The following DCC variants were observed in gnomAD, a reference collection of about 807,000 sequenced individuals.
DCC encodes the protein netrin receptor DCC.
In DCC, 58 loss-of-function variants were observed where a neutral mutation model predicts 172.5. The ratio of observed to expected loss-of-function variants is 0.34; its 90% CI spans 0.27 to 0.42. The LOEUF (loss-of-function observed/expected upper bound fraction) is 0.42. Ranked by LOEUF, DCC falls within the 10% of genes least tolerant of loss-of-function variation. The pLI is 1.00. For synonymous variants in DCC, 709 were observed against 644.5 expected, an observed-to-expected ratio of 1.10 and a Z score of -1.52; for missense variants, 1,740 against 1,791.0, an observed-to-expected ratio of 0.97 and a Z score of 0.51.
intron 1 of DCC, among the ~76,000 whole-genome samples, chr18:52,678,557 G>A (rs1272769320): frequency 3.3e-5 from 5 of 152,020 alleles, no homozygotes; most frequent in South Asian, 2.1e-4. Context: ...CTTTCCGCTC[G>A]ACATGTAAGA....
intron 1 of DCC, among the ~76,000 whole-genome samples, chr18:52,504,012 A>T (rs527638349): frequency 1.3e-5 from 2 of 152,134 alleles, no homozygotes; most frequent in Non-Finnish European, 2.9e-5. Flanking sequence ...TCTCAACCTT[A>T]TAAACATAAA....
In DCC at chr18:52,655,128, A is replaced by AT. The variant is rs964632259; in HGVS notation, c.92-96917dup. ...ACAGTCATTCTGCCTTTATTTATGT[A>AT]TTTTTTTTTAAGAGAGAAGAGGGGA... is the stretch of plus-strand genomic sequence containing the variant. On this transcript the variant is annotated intron_variant, in intron 1 of 28. Transcript: ENST00000442544. Among the ~76,000 whole-genome samples the AT allele has an allele frequency of 4.1e-3, 619 of 151,334 alleles. 5 individuals are homozygous for AT. The highest frequency in any genetic ancestry group is 0.014 in the African/African-American group (572 of 41,288).
intron 2 of DCC, among the ~76,000 whole-genome samples, chr18:52,793,571 T>G (rs2037816277): frequency 6.6e-6 from 1 of 152,204 alleles, no homozygotes; most frequent in Non-Finnish European, 1.5e-5. Context: ...TTACAAATAT[T>G]TTCTCTCATT....
At chr18:52,948,970 T>G (rs906603912) in intron 5 of DCC, among the ~76,000 whole-genome samples, 2 of 152,204 alleles carry the variant, frequency 1.3e-5, no homozygotes, top group Admixed American at 1.3e-4. Context: ...GTAACCCTTA[T>G]GCAAAGCTGT....
At chr18:52,410,539 G>A (rs1013647229) in intron 1 of DCC, among the ~76,000 whole-genome samples, 2 of 152,132 alleles carry the variant, frequency 1.3e-5, no homozygotes, top group Non-Finnish European at 2.9e-5. Flanking sequence ...CACCATGTAG[G>A]GTGGTTGCTG....
intron 2 of DCC, among the ~76,000 whole-genome samples, chr18:52,868,873 G>A (rs974965253): frequency 6.6e-6 from 1 of 152,210 alleles, no homozygotes; most frequent in African/African-American, 2.4e-5. Flanking sequence ...GCTGCCATGG[G>A]GCAGGAAGCT....
In DCC at chr18:52,958,133, A is replaced by T. The variant is rs114189383; in HGVS notation, c.985+32763A>T. Among the ~76,000 whole-genome samples, 931 of 152,178 alleles carry T rather than the reference A, an allele frequency of 6.1e-3. 7 individuals are homozygous for T. The highest frequency in any genetic ancestry group is 0.022 in the African/African-American group (894 of 41,536). On this transcript the variant is annotated intron_variant, in intron 5 of 28. Coordinates refer to ENST00000442544, the MANE Select transcript of DCC (RefSeq NM_005215.4). ...GGAAGCTTTGTTTATTTCTTTGTCA[A>T]ATCAGCTTGTTCTTTTTTCATATTG...
In DCC at chr18:52,642,079, TAC is replaced by T. The variant is rs200347229; in HGVS notation, c.92-109958_92-109957del. ...GTGTGTGTGTATATATATATATATA[TAC>T]ACACACACACACACACTCACACACA... is the stretch of plus-strand genomic sequence containing the variant. On this transcript the variant is annotated intron_variant, in intron 1 of 28. Transcript: ENST00000442544. Among the ~76,000 whole-genome samples, 42 of 100,600 alleles carry T rather than the reference TAC, an allele frequency of 4.2e-4. 1 individual carries two copies. The highest frequency in any genetic ancestry group is 1.6e-3 in the African/African-American group (42 of 27,086). 66.0% of individuals were successfully genotyped at this position (100,600 alleles called of 152,430 possible). A position where few individuals can be genotyped will look rare whatever the true frequency, so the allele number is the denominator to read the frequency against.
At chr18:52,778,163 A>G (rs535748078) in intron 2 of DCC, among the ~76,000 whole-genome samples, 65 of 152,352 alleles carry the variant, frequency 4.3e-4, no homozygotes, top group Non-Finnish European at 6.8e-4. Flanking sequence ...GAAGAAATAC[A>G]CTATGTAGAG....
intron 22 of DCC, among the ~76,000 whole-genome samples, chr18:53,440,073 C>A (rs1568133574): frequency 6.6e-6 from 1 of 152,102 alleles, no homozygotes. Flanking sequence ...CCGTATTTTT[C>A]TTTTATGATG....
chr18:53,079,216 G>A (rs1046096237), intron 7 of DCC, among the ~76,000 whole-genome samples: 1 of 152,004 alleles, frequency 6.6e-6, no homozygotes, highest in Non-Finnish European at 1.5e-5. Flanking sequence ...GAAGAGAATT[G>A]GTAGCCTATA....
At chr18:52,741,488 G>A (rs911248855) in intron 1 of DCC, among the ~76,000 whole-genome samples, 6 of 152,088 alleles carry the variant, frequency 3.9e-5, no homozygotes, top group African/African-American at 1.4e-4. Flanking sequence ...CCCTCTACAT[G>A]GTGGATGCCA....
At chr18:53,336,788 T>C (rs1055582250) in intron 14 of DCC, among the ~76,000 whole-genome samples, 6 of 152,050 alleles carry the variant, frequency 3.9e-5, no homozygotes, top group African/African-American at 1.4e-4. Context: ...AGGTGGGAGG[T>C]TGGCTTGAGT....
chr18:52,644,844 G>A (rs1356988681), intron 1 of DCC, among the ~76,000 whole-genome samples: 1 of 150,106 alleles, frequency 6.7e-6, no homozygotes, highest in African/African-American at 2.5e-5. Context: ...AGGGAAGGAG[G>A]GAGGGAAGGA....
chr18:52,606,789 G>A (rs2034140808), intron 1 of DCC, among the ~76,000 whole-genome samples: 1 of 152,082 alleles, frequency 6.6e-6, no homozygotes, highest in Non-Finnish European at 1.5e-5. Flanking sequence ...TAACATGTGG[G>A]GAAGAGCAAA....
rs548301472 is a variant in DCC at position 52,508,928 on chromosome 18, C to G, written c.91+168050C>G. ...AGATTTGCACTGCCAAGCACAGTAG[C>G]CACTGGCCACGTGTGCCTGAAATGC... On this transcript the variant is annotated intron_variant, in intron 1 of 28. Transcript: ENST00000442544. 7.9e-4 allele frequency among the ~76,000 whole-genome samples: 121 copies of G among 152,332 alleles called. 1 individual carries two copies. Among genetic ancestry groups the G allele is most frequent in the African/African-American group, 2.8e-3 (116 of 41,570 alleles).
intron 25 of DCC, among the ~76,000 whole-genome samples, chr18:53,477,953 A>G (rs2045785964): frequency 6.6e-6 from 1 of 152,252 alleles, no homozygotes; most frequent in South Asian, 2.1e-4. Flanking sequence ...GCCAAAAATT[A>G]TTTTAAATGC....
chr18:53,127,623 T>C (rs550698935), intron 7 of DCC, among the ~76,000 whole-genome samples: 18 of 152,294 alleles, frequency 1.2e-4, no homozygotes, highest in African/African-American at 4.3e-4. Context: ...ATAAAATGTA[T>C]GACTTTGAAC....
intron 27 of DCC, among the ~76,000 whole-genome samples, chr18:53,512,918 C>A (rs1425892879): frequency 1.3e-5 from 2 of 152,168 alleles, no homozygotes; most frequent in African/African-American, 4.8e-5. Context: ...CTTCCCCAAT[C>A]TATCAAGGCA....
Sources: allele counts gnomAD v4.1 joint callset (sites outside exome capture counted in the v4.1 genomes callset), GRCh38; gene constraint gnomAD v4.1.1; transcripts MANE v1.5; gene names NCBI Gene and HGNC (gene_info 2026-07-23, HGNC 2026-07-21).